Variants in ATG2A observed in about 807,000 individuals in gnomAD.
The protein encoded by ATG2A is autophagy-related protein 2 homolog A.
ATG2A carries 103 observed loss-of-function variants against 214.2 expected under a neutral mutation model. The ratio of observed to expected loss-of-function variants is 0.48; its 90% CI spans 0.41 to 0.57. The LOEUF is 0.57. Ranked by LOEUF, ATG2A falls within the 20% of genes least tolerant of loss-of-function variation. ATG2A has a pLI of 0.00. For missense variants in ATG2A, 2,312 were observed against 2,613.2 expected (o/e 0.88, Z 2.51); for synonymous variants, 1,160 against 1,142.1 (o/e 1.02, Z -0.32).
rs778932514 is a variant in ATG2A at position 64,911,255 on chromosome 11, G to A, written c.1249C>T (p.Leu417Phe). The stretch of plus-strand genomic sequence containing the variant: ...GAGTCAGGGCGCATGGTGTCCAGGA[G>A]GGGGTTGGGGGCCATCTTGCCTGAG... ...HPAGKMAPNP[L>F]LDTMRPDSLL... The change falls in exon 10 of 41, where the codon CTC becomes TTC. Residue 417 changes from leucine (L) to phenylalanine (F), a missense_variant. Transcript: ENST00000377264. The A allele has an allele frequency of 1.2e-6, 2 of 1,613,830 alleles. No individual in the cohort carries two copies.
At position 64,902,108 on chromosome 11, in the gene ATG2A, G is replaced by C. The variant is rs776789973; in HGVS notation, c.3973C>G (p.Pro1325Ala). ...GGGCCCCCGACAGGTGGTGAAGGGGGTGGGGCCCCACTCCGTTCACCTGGG... is the reference window on the plus strand; with the variant it reads ...GGGCCCCCGACAGGTGGTGAAGGGGCTGGGGCCCCACTCCGTTCACCTGGG... Reference protein sequence around the residue: ...LFPGERSGAPPPSPPVGGPAG... With the variant: ...LFPGERSGAPAPSPPVGGPAG... The change falls in exon 29 of 41, where the codon CCC (proline) becomes GCC (alanine). Residue 1325 changes from proline to alanine, a missense_variant. By Grantham distance (27) the Pro-to-Ala change is conservative (BLOSUM62 -1). Coordinates refer to ENST00000377264, the MANE Select transcript of ATG2A (RefSeq NM_015104.3). 8 of 1,613,930 alleles carry C rather than the reference G, an allele frequency of 5.0e-6. No homozygotes were observed. Among genetic ancestry groups the C allele is most frequent in the Non-Finnish European group, 6.8e-6 (8 of 1,180,018 alleles).
rs1944424689 is a variant in ATG2A, at chr11:64,903,302, T to C, written c.3598A>G (p.Thr1200Ala). Residue 1200 changes from threonine (T) to alanine (A), a missense_variant, in exon 26 of 41, where the codon ACC (threonine) becomes GCC (alanine). Coordinates refer to ENST00000377264, the MANE Select transcript of ATG2A (RefSeq NM_015104.3). The surrounding 1 kb of genome is among the most constrained non-coding windows in gnomAD (Gnocchi z 4.2). ...GCCTCACTCACCAGTTTGCCCTCGG[T>C]GCTCCCTTTCCAGGTTTTAATCACA... ...ELVIKTWKGSTEGKLSQPLFE... is the reference protein window; with the variant it reads ...ELVIKTWKGSAEGKLSQPLFE... 3.7e-6 allele frequency: 6 copies of C among 1,613,844 alleles called. No individual in the cohort carries two copies. The highest frequency in any genetic ancestry group is 1.3e-5 in the African/African-American group (1 of 74,920).
intron 14 of ATG2A, 85 bp from the exon 15 acceptor site, chr11:64,909,452 G>A: frequency 3.4e-6 from 5 of 1,455,754 alleles, no homozygotes; most frequent in Non-Finnish European, 4.8e-6. Context: ...TCAGAGCTGT[G>A]CCCCCGACTC....
At chr11:64,902,758 G>A (rs1261484778) in intron 26 of ATG2A, 78 bp from the exon 27 acceptor site, 1 of 1,381,806 alleles carries the variant, frequency 7.2e-7, no homozygotes, top group South Asian at 1.3e-5. Context: ...TCGCTGGGAG[G>A]GCACCGCAGT....
Position 64,898,034 on chromosome 11 carries a change from G to A in ATG2A, c.4858+52C>T. ...CCAGGAATGACTGGGAACCTGTGCT[G>A]TCCTGGGAGGCAGAAGGCCCAGACG... is the stretch of plus-strand genomic sequence containing the variant. On this transcript the variant is annotated intron_variant, in intron 34 of 40. Transcript: ENST00000377264. This position sits in a 1 kb window ranked among gnomAD's most constrained non-coding sequence, Gnocchi z 4.5. 12 of 1,608,158 alleles carry A rather than the reference G, an allele frequency of 7.5e-6. No individual in the cohort carries two copies. The highest frequency in any genetic ancestry group is 1.1e-5 in the South Asian group (1 of 90,602).
rs1249476755 is a variant in ATG2A, at chr11:64,914,110, A to G, written c.458T>C (p.Leu153Pro). The G allele has an allele frequency of 1.3e-6, 2 of 1,550,098 alleles. No individual in the cohort carries two copies. Among genetic ancestry groups the G allele is most frequent in the African/African-American group, 1.4e-5 (1 of 73,106 alleles). Residue 153 changes from leucine (L) to proline (P), a missense_variant, in exon 3 of 41, where the codon CTG becomes CCG. By Grantham distance (98) the Leu-to-Pro change is moderately conservative. Transcript: ENST00000377264. ...PSEPPQPLEG[L>P]EMFAQTIETV... ...CTCAATGGTCTGGGCAAACATCTCC[A>G]GCCCCTCCAGGGGCTGTGGTGGCTC...
chr11:64,906,934 GAC>G, intron 19 of ATG2A, 119 bp from the exon 20 acceptor site: 1 of 1,254,882 alleles, frequency 8.0e-7, no homozygotes, highest in Non-Finnish European at 1.1e-6. Flanking sequence ...TTCCACCATG[GAC>G]GCTGCTGGAG....
intron 30 of ATG2A, 50 bp from the exon 31 acceptor site, chr11:64,900,679 C>A: frequency 6.5e-7 from 1 of 1,531,686 alleles, no homozygotes. Context: ...CCCATTCCCT[C>A]CCCGTCCTCA....
Position 64,903,395 on chromosome 11 carries a change from G to GC in ATG2A, c.3536-32dup. 1.2e-6 allele frequency: 2 copies of GC among 1,611,306 alleles called. No homozygotes were observed. The highest frequency in any genetic ancestry group is 1.7e-6 in the Non-Finnish European group (2 of 1,177,786). Reference sequence around the variant, plus strand: ...GCAGAGGCGAGAGAAAGGTCCTGTGGCCCCCTTCCACCCGGCCCCGGCCCC... The same window carrying GC: ...GCAGAGGCGAGAGAAAGGTCCTGTGGCCCCCCTTCCACCCGGCCCCGGCCCC... On this transcript the variant is annotated intron_variant, in intron 25 of 40. Transcript: ENST00000377264. This position sits in a 1 kb window ranked among gnomAD's most constrained non-coding sequence, Gnocchi z 4.2.
chr11:64,910,249 G>A, intron 12 of ATG2A, 54 bp from the exon 13 acceptor site: 2 of 1,522,426 alleles, frequency 1.3e-6, no homozygotes, highest in East Asian at 2.3e-5. Context: ...CAGCGGGTGG[G>A]ACAGGAAGGC....
At chr11:64,912,696 C>T (rs745588230) in intron 6 of ATG2A, 22 of 454,210 alleles carry the variant, frequency 4.8e-5, no homozygotes, top group African/African-American at 8.1e-5. Context: ...TGGGTTCAAG[C>T]GATTCTCCCG....
Position 64,898,158 on chromosome 11 carries a change from A to C in ATG2A, c.4786T>G (p.Phe1596Val). Residue 1596 changes from phenylalanine (F) to valine (V), a missense_variant, in exon 34 of 41, where the codon TTC (phenylalanine) becomes GTC (valine). Phe to Val is a conservative substitution (Grantham distance 50). Coordinates refer to ENST00000377264, the MANE Select transcript of ATG2A (RefSeq NM_015104.3). The surrounding 1 kb of genome is among the most constrained non-coding windows in gnomAD (Gnocchi z 4.5). ...RLNVDQDALF[F>V]LKDFFTSLVA... Reference sequence around the variant, plus strand: ...AGACTAGTGAAGAAGTCCTTGAGGAAGAAGAGGGCATCCTGCAAGGGAGAG... The same window carrying C: ...AGACTAGTGAAGAAGTCCTTGAGGACGAAGAGGGCATCCTGCAAGGGAGAG... 2 of 1,614,096 alleles carry C rather than the reference A, an allele frequency of 1.2e-6. No individual in the cohort carries two copies. The highest frequency in any genetic ancestry group is 1.1e-5 in the South Asian group (1 of 91,092).
At chr11:64,912,045 A>C in intron 8 of ATG2A, 40 bp downstream of exon 8, 2 of 1,612,724 alleles carry the variant, frequency 1.2e-6, no homozygotes, top group Non-Finnish European at 1.7e-6. Context: ...CTGCACCCAC[A>C]CTAGCTGCCC....
In ATG2A at chr11:64,906,107, G is replaced by T. The variant is rs780779713; in HGVS notation, c.3264+6C>A. The stretch of plus-strand genomic sequence containing the variant: ...GGCCATGTGGCTTCCCACCACCCAC[G>T]CTCACCTGGGAATGCCAGCTCTGCT... On this transcript the variant is annotated splice_donor_region_variant and intron_variant, in intron 22 of 40. Coordinates refer to ENST00000377264, the MANE Select transcript of ATG2A (RefSeq NM_015104.3). 6.4e-7 allele frequency: 1 copy of T among 1,569,246 alleles called. No homozygotes were observed. The highest frequency in any genetic ancestry group is 2.4e-5 in the East Asian group (1 of 42,308).
chr11:64,906,583 C>T, intron 20 of ATG2A, 50 bp from the exon 21 acceptor site: 1 of 1,608,354 alleles, frequency 6.2e-7, no homozygotes, highest in Non-Finnish European at 8.5e-7. Context: ...GCTACCCACT[C>T]CACCCAGGGC....
intron 21 of ATG2A, 55 bp from the exon 22 acceptor site, chr11:64,906,248 G>T (rs1349763134): frequency 1.2e-6 from 2 of 1,605,728 alleles, no homozygotes; most frequent in Non-Finnish European, 1.7e-6. Context: ...CCGTGCACTG[G>T]GGCCTCACCG....
At position 64,905,522 on chromosome 11, in the gene ATG2A, C is replaced by CGGCGAG. The variant is rs756970704; in HGVS notation, c.3464+35_3464+40dup. 17 of 1,574,056 alleles carry CGGCGAG rather than the reference C, an allele frequency of 1.1e-5. No homozygotes were observed. The East Asian group carries it at 3.9e-4, about 36-fold the overall frequency. On this transcript the variant is annotated intron_variant, in intron 24 of 40. Coordinates refer to ENST00000377264, the MANE Select transcript of ATG2A (RefSeq NM_015104.3). ...ACACAGCTGGCAGGCAGCTTCGGCC[C>CGGCGAG]GGCGAGGGTGGGATGGCCCAGTGTG...
rs893626829 is a variant in ATG2A at position 64,903,387 on chromosome 11, G to A, written c.3536-23C>T. 3 of 1,613,246 alleles carry A rather than the reference G, an allele frequency of 1.9e-6. No homozygotes were observed. Among genetic ancestry groups the A allele is most frequent in the Non-Finnish European group, 2.5e-6 (3 of 1,179,384 alleles). On this transcript the variant is annotated intron_variant, in intron 25 of 40. Transcript: ENST00000377264. The surrounding 1 kb of genome is among the most constrained non-coding windows in gnomAD (Gnocchi z 4.2). ...AATCTGCAGCAGAGGCGAGAGAAAG[G>A]TCCTGTGGCCCCCTTCCACCCGGCC...
Position 64,901,088 on chromosome 11 carries a change from C to A in ATG2A, c.4124G>T (p.Arg1375Leu). ...LDAPGLGIPPRDGEPVVTQLH... is the reference protein window; with the variant it reads ...LDAPGLGIPPLDGEPVVTQLH... ...CTGTGTCACCACAGGCTCCCCATCT[C>A]GGGGCTGCAGGGAGGCCAGGTAGAC... Residue 1375 changes from arginine (R) to leucine (L), a missense_variant, in exon 30 of 41, where the codon CGA becomes CTA. Physicochemically the swap from Arg to Leu is moderately radical, Grantham distance 102 (BLOSUM62 -2). Transcript: ENST00000377264. 1.3e-6 allele frequency: 2 copies of A among 1,561,632 alleles called. No individual in the cohort carries two copies. The highest frequency in any genetic ancestry group is 8.7e-7 in the Non-Finnish European group (1 of 1,153,280).
Sources: allele counts gnomAD v4.1 joint callset, GRCh38; gene constraint gnomAD v4.1.1; non-coding constraint Gnocchi (gnomAD v3.1); transcripts MANE v1.5; gene names NCBI Gene and HGNC (gene_info 2026-07-23, HGNC 2026-07-21).